Variants in PRIMPOL observed in about 807,000 individuals in gnomAD.
PRIMPOL encodes the protein DNA-directed primase/polymerase protein.
A neutral mutation model predicts 63.6 loss-of-function variants in PRIMPOL; 54 were observed. The observed-to-expected ratio is 0.85, with a 90% CI of 0.68 to 1.07. The LOEUF is 1.07. Among genes scored for constraint, PRIMPOL ranks in the 50% least tolerant of loss-of-function variants. The probability of loss-of-function intolerance (pLI) is 0.00; values close to 1 mark genes in which losing one functional copy is unlikely to be tolerated. For missense variants in PRIMPOL, 610 were observed against 648.3 expected (o/e 0.94, Z 0.64); for synonymous variants, 197 against 220.2 (o/e 0.89, Z 0.93).
chr4:184,679,446 AC>A (rs1755010203), intron 8 of PRIMPOL, among the ~76,000 whole-genome samples: 1 of 152,182 alleles, frequency 6.6e-6, no homozygotes, highest in South Asian at 2.1e-4. Context: ...ACAGGGTGAG[AC>A]CCCATTGCTA....
chr4:184,657,170 G>A lies in PRIMPOL; in HGVS notation c.30G>A (p.Lys10=). 1 of 1,610,578 alleles carries A rather than the reference G, an allele frequency of 6.2e-7. No individual in the cohort carries two copies. MNRKWEAKL[K]QIEERASHYE... is the part of the protein sequence containing the mutation. ...ATAGAAAATGGGAAGCAAAACTGAA[G>A]CAAATTGAAGAACGAGCATCTCATT... Residue 10 remains lysine, a synonymous_variant, in exon 3 of 14, where the codon AAG becomes AAA. Transcript: ENST00000314970.
At chr4:184,673,051 C>CA (rs1161714230) in intron 7 of PRIMPOL, among the ~76,000 whole-genome samples, 6 of 152,134 alleles carry the variant, frequency 3.9e-5, no homozygotes, top group Admixed American at 6.5e-5. Flanking sequence ...CAACAGCTCC[C>CA]ATTGGTGAAC....
At chr4:184,667,892 CTTA>C (rs1750526909) in intron 6 of PRIMPOL, among the ~76,000 whole-genome samples, 1 of 152,170 alleles carries the variant, frequency 6.6e-6, no homozygotes, top group Admixed American at 6.5e-5. Context: ...ATTCTGTTCA[CTTA>C]TTAAGACTTT....
At chr4:184,668,804 A>T (rs2150078503) in intron 6 of PRIMPOL, among the ~76,000 whole-genome samples, 1 of 152,140 alleles carries the variant, frequency 6.6e-6, no homozygotes, top group Non-Finnish European at 1.5e-5. Context: ...ATGTTTCTCT[A>T]GGGCAGGGAC....
intron 4 of PRIMPOL, among the ~76,000 whole-genome samples, chr4:184,660,381 A>G (rs967121099): frequency 6.6e-6 from 1 of 151,684 alleles, no homozygotes. Context: ...GGATTTCATT[A>G]TATTGGTCAG....
intron 9 of PRIMPOL, among the ~76,000 whole-genome samples, chr4:184,684,464 A>T (rs1361242369): frequency 1.3e-5 from 2 of 152,184 alleles, no homozygotes; most frequent in Non-Finnish European, 2.9e-5. Context: ...TCAAGAAAAA[A>T]AAAAAATTAA....
intron 7 of PRIMPOL, among the ~76,000 whole-genome samples, chr4:184,674,576 A>C (rs963050081): frequency 3.3e-5 from 5 of 152,200 alleles, no homozygotes; most frequent in African/African-American, 1.2e-4. Context: ...CAACTTCTCT[A>C]TGCAGATAAA....
intron 2 of PRIMPOL, among the ~76,000 whole-genome samples, chr4:184,655,541 C>G (rs893305940): frequency 6.6e-6 from 1 of 151,770 alleles, no homozygotes; most frequent in Non-Finnish European, 1.5e-5. Flanking sequence ...AGGCTGGTCT[C>G]GAACTCATGA....
At chr4:184,651,472 A>G (rs1009380225) in intron 1 of PRIMPOL, among the ~76,000 whole-genome samples, 1 of 152,150 alleles carries the variant, frequency 6.6e-6, no homozygotes, top group African/African-American at 2.4e-5. Context: ...ACCCACTCCC[A>G]ACCTTAACAG....
At chr4:184,657,025 AC>A in intron 2 of PRIMPOL, 56 bp from the exon 3 acceptor site, 1 of 782,440 alleles carries the variant, frequency 1.3e-6, no homozygotes, top group Non-Finnish European at 1.8e-6. Context: ...ACTTTATCAA[AC>A]AAAATATATT....
At chr4:184,652,862 A>G (rs1484304690) in intron 2 of PRIMPOL, among the ~76,000 whole-genome samples, 7 of 130,726 alleles carry the variant, frequency 5.4e-5, no homozygotes, top group African/African-American at 2.2e-4. Flanking sequence ...AAAAAAGAAA[A>G]GGAGGGAGGA....
chr4:184,687,457 A>C (rs1757287353), intron 11 of PRIMPOL, among the ~76,000 whole-genome samples: 1 of 152,174 alleles, frequency 6.6e-6, no homozygotes, highest in Admixed American at 6.5e-5. Context: ...GAAGCTGATC[A>C]AACCTCAGAA....
In PRIMPOL at chr4:184,694,849, A is replaced by G; in HGVS notation, c.*70A>G. 1 of 1,321,030 alleles carries G rather than the reference A, an allele frequency of 7.6e-7. No homozygotes were observed. 81.8% of individuals were successfully genotyped at this position (1,321,030 alleles called of 1,614,324 possible). ...GATGTCTGTGAGATTTGATAAATAT[A>G]TCATTCAACCTGTTTATATAAACTA... On this transcript the variant is annotated 3_prime_UTR_variant, in exon 14 of 14. Coordinates refer to ENST00000314970, the MANE Select transcript of PRIMPOL (RefSeq NM_152683.4).
chr4:184,672,681 G>A (rs545930072), intron 7 of PRIMPOL, among the ~76,000 whole-genome samples: 2 of 152,316 alleles, frequency 1.3e-5, no homozygotes, highest in South Asian at 4.1e-4. Flanking sequence ...GAGGATGGCT[G>A]TGGCTGGCTT....
At position 184,672,249 on chromosome 4, in the gene PRIMPOL, A is replaced by G; in HGVS notation, c.633A>G (p.Thr211=). The G allele has an allele frequency of 6.2e-7, 1 of 1,614,090 alleles. No homozygotes were observed. The highest frequency in any genetic ancestry group is 8.5e-7 in the Non-Finnish European group (1 of 1,180,012). ...GSEDDDSAPE[T]TGHGFPHFSE... is the part of the protein sequence containing the mutation. ...AAGATGATGATAGCGCTCCAGAGAC[A>G]ACAGGCCATGGATTTCCCCATTTTT... The change falls in exon 7 of 14, where the codon ACA becomes ACG. Residue 211 remains threonine (T), a synonymous_variant. Transcript: ENST00000314970.
intron 8 of PRIMPOL, among the ~76,000 whole-genome samples, chr4:184,680,467 C>T (rs985731037): frequency 1.3e-5 from 2 of 152,138 alleles, no homozygotes; most frequent in Non-Finnish European, 2.9e-5. Context: ...GGATTACAGG[C>T]GTGAGCCACC....
chr4:184,664,894 T>C (rs1397185685), intron 5 of PRIMPOL, among the ~76,000 whole-genome samples: 1 of 152,230 alleles, frequency 6.6e-6, no homozygotes, highest in African/African-American at 2.4e-5. Flanking sequence ...GAATTTGATG[T>C]AGAGAGGGAA....
intron 6 of PRIMPOL, 48 bp from the exon 7 acceptor site, chr4:184,672,125 C>T (rs763390444): frequency 2.0e-5 from 29 of 1,459,960 alleles, no homozygotes; most frequent in East Asian, 6.8e-5. Context: ...CCTTAAGATG[C>T]GGTGTGTGGA....
At chr4:184,672,634 G>C (rs1217362082) in intron 7 of PRIMPOL, among the ~76,000 whole-genome samples, 174 bp downstream of exon 7, 11 of 152,154 alleles carry the variant, frequency 7.2e-5, no homozygotes, top group Admixed American at 5.2e-4. Context: ...TTTCTCCAGA[G>C]ATCTTAGAGG....
Sources: gnomAD v4.1 joint callset for allele counts (sites outside exome capture counted in the v4.1 genomes callset) on GRCh38, gnomAD v4.1.1 for gene constraint, MANE v1.5 for transcripts, NCBI Gene and HGNC (gene_info 2026-07-23, HGNC 2026-07-21) for gene names.